The following ZDHHC6 variants were observed in gnomAD, a reference collection of about 807,000 sequenced individuals.
ZDHHC6 encodes zDHHC palmitoyltransferase 6.
Under a neutral mutation model 57.8 loss-of-function variants are expected in ZDHHC6, and 32 were observed. That is an observed-to-expected ratio of 0.55 (90% CI 0.42 to 0.74). The LOEUF (loss-of-function observed/expected upper bound fraction) is 0.74. ZDHHC6 is among the 30% of genes least tolerant of loss of function. The pLI is 0.00. For synonymous variants in ZDHHC6, 128 were observed against 158.0 expected (o/e 0.81, Z 1.42); for missense variants, 433 against 500.7 (o/e 0.86, Z 1.29).
chr10:112,432,103 T>C, intron 10 of ZDHHC6, 137 bp downstream of exon 10: 1 of 769,166 alleles, frequency 1.3e-6, no homozygotes, highest in Non-Finnish European at 2.0e-6. Context: ...GAAGTTCCTT[T>C]TGTTGCTTAG....
chr10:112,440,482 A>T (rs1845997315), intron 5 of ZDHHC6, 52 bp downstream of exon 5: 4 of 1,544,922 alleles, frequency 2.6e-6, no homozygotes, highest in Admixed American at 3.6e-5. Flanking sequence ...TTTCTTGTGC[A>T]ATCAGTCCCA....
At chr10:112,436,976 T>C (rs1048019290) in intron 6 of ZDHHC6, among the ~76,000 whole-genome samples, 1 of 152,194 alleles carries the variant, frequency 6.6e-6, no homozygotes, top group Admixed American at 6.5e-5. Flanking sequence ...TGTAACACTA[T>C]TCTTATTTGA....
At chr10:112,438,471 CT>C in intron 5 of ZDHHC6, 82 bp from the exon 6 acceptor site, 4 of 1,062,264 alleles carry the variant, frequency 3.8e-6, no homozygotes, top group Non-Finnish European at 5.1e-6. Flanking sequence ...TCTGAGATAG[CT>C]TTTATTACTC....
intron 5 of ZDHHC6, among the ~76,000 whole-genome samples, chr10:112,439,842 C>T (rs1845941714): frequency 6.6e-6 from 1 of 151,604 alleles, no homozygotes; most frequent in Admixed American, 6.6e-5. Flanking sequence ...TTTATGCAGC[C>T]TTAGAAATTA....
upstream of ZDHHC6, chr10:112,447,456 G>T: frequency 6.2e-7 from 1 of 1,613,450 alleles, no homozygotes; most frequent in South Asian, 1.1e-5. Flanking sequence ...AGGGTCCCAC[G>T]ACTCCCGCCT....
At chr10:112,427,100 A>T, downstream of ZDHHC6, 1 of 1,071,622 alleles carries the variant, frequency 9.3e-7, no homozygotes, top group Non-Finnish European at 1.4e-6. Context: ...GGCATGTGTT[A>T]CTGTTACCTT....
intron 6 of ZDHHC6, 86 bp from the exon 7 acceptor site, chr10:112,434,550 G>T: frequency 7.7e-7 from 1 of 1,290,880 alleles, no homozygotes; most frequent in Non-Finnish European, 1.0e-6. Flanking sequence ...TATTTCTCAA[G>T]TTTCTAACAT....
chr10:112,425,321 T>C (rs1455246421), downstream of ZDHHC6: 2 of 1,591,280 alleles, frequency 1.3e-6, no homozygotes, highest in East Asian at 2.3e-5. Flanking sequence ...ACTGATACTT[T>C]TATCTGTCTC....
downstream of ZDHHC6, chr10:112,427,648 G>T: frequency 4.5e-6 from 1 of 220,302 alleles, no homozygotes; most frequent in East Asian, 1.0e-4. Context: ...CCTTCCTCAT[G>T]ATTTCCAACC....
downstream of ZDHHC6, chr10:112,426,653 A>G (rs1336415138): frequency 2.6e-6 from 2 of 757,986 alleles, no homozygotes; most frequent in Non-Finnish European, 4.5e-6. Flanking sequence ...TATTGGGCAT[A>G]TAATGTGCTT....
In ZDHHC6 at chr10:112,445,664, A is replaced by C; in HGVS notation, c.-214-14T>G. On this transcript the variant is annotated splice_polypyrimidine_tract_variant and intron_variant, in intron 1 of 10. Coordinates refer to ENST00000369405, the MANE Select transcript of ZDHHC6 (RefSeq NM_022494.3). The stretch of plus-strand genomic sequence containing the variant: ...CTGAAACCCAACCTAAAGAAAACAA[A>C]ATGGGAAAGTTCAGTTAAAACAAAA... 1.8e-6 allele frequency: 1 copy of C among 548,358 alleles called. No homozygotes were observed. The highest frequency in any genetic ancestry group is 3.2e-6 in the Non-Finnish European group (1 of 315,268). 34.0% of individuals were successfully genotyped at this position (548,358 alleles called of 1,614,324 possible). A position where few individuals can be genotyped will look rare whatever the true frequency, so the allele number is the denominator to read the frequency against.
chr10:112,434,197 A>G, intron 7 of ZDHHC6, 100 bp downstream of exon 7: 3 of 1,188,786 alleles, frequency 2.5e-6, no homozygotes, highest in Non-Finnish European at 2.3e-6. Context: ...GAAAACATTC[A>G]TATTACTTAT....
intron 3 of ZDHHC6, among the ~76,000 whole-genome samples, chr10:112,443,060 A>C (rs1846285804): frequency 6.6e-6 from 1 of 152,200 alleles, no homozygotes; most frequent in Admixed American, 6.5e-5. Flanking sequence ...TGATATTAAA[A>C]CATTTGTGAT....
rs1490516265 is a variant in ZDHHC6 at position 112,430,578 on chromosome 10, T to C, written c.*226A>G. ...CTTACTTGGATGAAATGTTTTTCCT[T>C]TGAGGGGGAGGAAGAGGTGGTAAAG... On this transcript the variant is annotated 3_prime_UTR_variant, in exon 11 of 11. Transcript: ENST00000369405. 1.5e-5 allele frequency: 6 copies of C among 392,294 alleles called. No homozygotes were observed. The highest frequency in any genetic ancestry group is 1.4e-3 in the Middle Eastern group (2 of 1,402). 24.3% of individuals were successfully genotyped at this position (392,294 alleles called of 1,614,324 possible). A position where few individuals can be genotyped will look rare whatever the true frequency, so the allele number is the denominator to read the frequency against.
In ZDHHC6 at chr10:112,442,368, A is replaced by G; in HGVS notation, c.360-17T>C. On this transcript the variant is annotated splice_polypyrimidine_tract_variant and intron_variant, in intron 3 of 10. Transcript: ENST00000369405. ...ATCACACATCTAACAAGAAAAATTT[A>G]CATAAAACATGAGGCAGAAAATCCT... 6.3e-7 allele frequency: 1 copy of G among 1,597,342 alleles called. No individual in the cohort carries two copies. The highest frequency in any genetic ancestry group is 8.5e-7 in the Non-Finnish European group (1 of 1,174,042).
At chr10:112,445,997 T>C (rs1846634985) in intron 1 of ZDHHC6, among the ~76,000 whole-genome samples, 1 of 152,194 alleles carries the variant, frequency 6.6e-6, no homozygotes, top group Admixed American at 6.5e-5. Context: ...TCCTTCTTCA[T>C]AGAACAGAAA....
At chr10:112,447,485 C>A, upstream of ZDHHC6, 1 of 1,611,908 alleles carries the variant, frequency 6.2e-7, no homozygotes, top group Non-Finnish European at 8.5e-7. Flanking sequence ...CCTTGCCCGG[C>A]TGGACGAGGG....
At chr10:112,425,161 G>A (rs935608854) in exon 12 of ZDHHC6, 21 of 518,072 alleles carry the variant, frequency 4.1e-5, no homozygotes, top group Non-Finnish European at 6.7e-5. Context: ...ACAGGTTCTT[G>A]CTGCACGATG....
chr10:112,441,911 A>G (rs1236461987), intron 4 of ZDHHC6, among the ~76,000 whole-genome samples: 1 of 152,218 alleles, frequency 6.6e-6, no homozygotes, highest in East Asian at 1.9e-4. Flanking sequence ...TCTTTCCATA[A>G]CTATTAAGTT....
Sources: gnomAD v4.1 joint callset for allele counts (sites outside exome capture counted in the v4.1 genomes callset) on GRCh38, gnomAD v4.1.1 for gene constraint, MANE v1.5 for transcripts, NCBI Gene and HGNC (gene_info 2026-07-23, HGNC 2026-07-21) for gene names.